ELAVL2: variants seen among roughly 807,000 people sequenced by gnomAD.
ELAVL2 encodes the protein ELAV-like protein 2.
ELAVL2 carries 4 observed loss-of-function variants against 34.6 expected under a neutral mutation model. That is an observed-to-expected ratio of 0.12 (90% CI 0.06 to 0.26). The LOEUF (loss-of-function observed/expected upper bound fraction) is 0.26, where lower values mean the gene tolerates loss of function less well. Ranked by LOEUF, ELAVL2 falls within the 10% of genes least tolerant of loss-of-function variation. ELAVL2 has a pLI of 1.00. For missense variants in ELAVL2, 432 were observed against 442.8 expected (o/e 0.98, Z 0.22); for synonymous variants, 193 against 154.8 (o/e 1.25, Z -1.83).
At chr9:23,747,403 A>C (rs1331472120) in intron 2 of ELAVL2, among the ~76,000 whole-genome samples, 2 of 152,142 alleles carry the variant, frequency 1.3e-5, no homozygotes, top group Non-Finnish European at 2.9e-5. Flanking sequence ...AGAAAGCGAA[A>C]CTGTTGATAA....
chr9:23,773,983 G>A (rs565422365), intron 1 of ELAVL2, among the ~76,000 whole-genome samples: 66 of 151,910 alleles, frequency 4.3e-4, no homozygotes, highest in Middle Eastern at 3.4e-3. Context: ...AGGCCGAGGC[G>A]GGCAGATCAC....
chr9:23,721,988 T>C (rs766142811), intron 3 of ELAVL2, among the ~76,000 whole-genome samples: 15 of 152,200 alleles, frequency 9.9e-5, no homozygotes, highest in Non-Finnish European at 1.3e-4. Context: ...CTGCTACCCA[T>C]AGCCCCCGAA....
At position 23,691,587 on chromosome 9, in the gene ELAVL2, T is replaced by C. The variant is rs2033191363; in HGVS notation, c.*970A>G. 1 of 152,558 alleles carries C rather than the reference T, an allele frequency of 6.6e-6. No homozygotes were observed. The highest frequency in any genetic ancestry group is 1.5e-5 in the Non-Finnish European group (1 of 68,000). 9.5% of individuals were successfully genotyped at this position (152,558 alleles called of 1,614,324 possible). ...TATATTCTTTTGTAAATTTTTTTTA[T>C]TTGTTTCAAAATCACAAATCAATGT... On this transcript the variant is annotated 3_prime_UTR_variant, in exon 7 of 7. Coordinates refer to ENST00000397312, the MANE Select transcript of ELAVL2 (RefSeq NM_004432.5).
chr9:23,769,733 T>C (rs901348929), intron 1 of ELAVL2, among the ~76,000 whole-genome samples: 1 of 152,168 alleles, frequency 6.6e-6, no homozygotes, highest in African/African-American at 2.4e-5. Flanking sequence ...GCAGAGACAA[T>C]GCACTGAACA....
intron 1 of ELAVL2, among the ~76,000 whole-genome samples, chr9:23,769,401 C>G (rs1188472959): frequency 6.6e-6 from 1 of 152,148 alleles, no homozygotes; most frequent in African/African-American, 2.4e-5. Flanking sequence ...TTATCTTTCC[C>G]ATTCAAATCA....
chr9:23,711,557 G>A (rs1404666388), intron 3 of ELAVL2, among the ~76,000 whole-genome samples: 1 of 152,024 alleles, frequency 6.6e-6, no homozygotes, highest in Non-Finnish European at 1.5e-5. Context: ...AAAATAAGCT[G>A]CCCTCCTTCC....
intron 1 of ELAVL2, among the ~76,000 whole-genome samples, chr9:23,787,694 C>T (rs938492647): frequency 1.3e-5 from 2 of 152,156 alleles, no homozygotes; most frequent in Non-Finnish European, 2.9e-5. Flanking sequence ...CAATATCTTG[C>T]TTCACCCCAG....
chr9:23,700,777 C>T (rs935897618), intron 5 of ELAVL2, among the ~76,000 whole-genome samples: 1 of 152,088 alleles, frequency 6.6e-6, no homozygotes, highest in Admixed American at 6.5e-5. Flanking sequence ...AGAAACTTCA[C>T]GTAGTCACAT....
chr9:23,806,065 T>C (rs960984638), intron 1 of ELAVL2, among the ~76,000 whole-genome samples: 1 of 152,170 alleles, frequency 6.6e-6, no homozygotes, highest in African/African-American at 2.4e-5. Flanking sequence ...GAAATAGCAC[T>C]TTAATAAAGT....
chr9:23,785,796 C>T (rs529921006), intron 1 of ELAVL2, among the ~76,000 whole-genome samples: 1 of 152,302 alleles, frequency 6.6e-6, no homozygotes, highest in South Asian at 2.1e-4. Context: ...CTGGAGAGGA[C>T]ACACAATGGG....
rs144526752 is a variant in ELAVL2, at chr9:23,724,064, T to A, written c.333+6958A>T. 1.7e-4 allele frequency among the ~76,000 whole-genome samples: 26 copies of A among 152,346 alleles called. No homozygotes were observed. The East Asian group carries it at 5.0e-3, about 29-fold the overall frequency. On this transcript the variant is annotated intron_variant, in intron 3 of 6. Transcript: ENST00000397312. ...TTACAGAAATGAAATAGCCAGGCTT[T>A]TCTGGTATAGACCATACTTTGCATA... is the stretch of plus-strand genomic sequence containing the variant.
the ELAVL2 span, among the ~76,000 whole-genome samples, chr9:23,847,985 ACT>A: frequency 1.3e-5 from 2 of 151,940 alleles, no homozygotes; most frequent in East Asian, 1.9e-4. Context: ...GATTAAAATA[ACT>A]CTGAATAAAG....
chr9:23,699,551 C>T (rs950537109), intron 5 of ELAVL2, among the ~76,000 whole-genome samples: 4 of 152,148 alleles, frequency 2.6e-5, no homozygotes, highest in African/African-American at 9.7e-5. Context: ...CCCCAAAGAG[C>T]TCTGAAATTA....
intron 1 of ELAVL2, among the ~76,000 whole-genome samples, chr9:23,771,555 T>C (rs1028591874): frequency 3.9e-5 from 6 of 152,120 alleles, no homozygotes; most frequent in Non-Finnish European, 8.8e-5. Flanking sequence ...ACTAAATGAA[T>C]CCACTGCCAG....
chr9:23,848,824 A>T, the ELAVL2 span, among the ~76,000 whole-genome samples: 97 of 152,166 alleles, frequency 6.4e-4, 1 homozygote, highest in Admixed American at 3.3e-4. Context: ...TTCAGTGGGT[A>T]TTTCTGTTTC....
In ELAVL2 at chr9:23,791,901, C is replaced by T. The variant is rs2060368313; in HGVS notation, c.-15-29652G>A. On this transcript the variant is annotated intron_variant, in intron 1 of 6. Transcript: ENST00000397312. ...CCTAAGCAAACTAATACAACCCCCA[C>T]ACCAATTCTTAATCTCTCAGTTGTC... Among the ~76,000 whole-genome samples, 3 of 152,218 alleles carry T rather than the reference C, an allele frequency of 2.0e-5. 1 individual carries two copies. The South Asian group carries it at 6.2e-4, about 32-fold the overall frequency.
At chr9:23,696,491 C>T (rs185267363) in intron 5 of ELAVL2, among the ~76,000 whole-genome samples, 15 of 152,266 alleles carry the variant, frequency 9.9e-5, no homozygotes, top group Non-Finnish European at 1.6e-4. Context: ...ATTTTTGAGA[C>T]GAAGTCTCGC....
At chr9:23,767,070 A>G (rs1430526622) in intron 1 of ELAVL2, among the ~76,000 whole-genome samples, 19 of 152,224 alleles carry the variant, frequency 1.2e-4, no homozygotes, top group Admixed American at 1.2e-3. Context: ...TTTAGCATAG[A>G]TGAATCTAGA....
intron 1 of ELAVL2, among the ~76,000 whole-genome samples, chr9:23,777,046 T>C (rs1048940173): frequency 2.6e-5 from 4 of 152,190 alleles, no homozygotes; most frequent in African/African-American, 9.7e-5. Context: ...CTATGTAAAG[T>C]ACAAGTTTCT....
Sources: allele counts gnomAD v4.1 joint callset (sites outside exome capture counted in the v4.1 genomes callset), GRCh38; gene constraint gnomAD v4.1.1; transcripts MANE v1.5; gene names NCBI Gene and HGNC (gene_info 2026-07-23, HGNC 2026-07-21).